Variants in CAMK4 observed in about 807,000 individuals in gnomAD.
The protein encoded by CAMK4 is calcium/calmodulin dependent protein kinase IV.
Under a neutral mutation model 44.9 loss-of-function variants are expected in CAMK4, and 22 were observed. The ratio of observed to expected loss-of-function variants is 0.49; its 90% CI spans 0.35 to 0.70. The LOEUF is 0.70. Ranked by LOEUF, CAMK4 falls within the 30% of genes least tolerant of loss-of-function variation. CAMK4 has a pLI of 0.01. For missense variants in CAMK4, 498 were observed against 586.8 expected, an observed-to-expected ratio of 0.85 and a Z score of 1.56; for synonymous variants, 218 against 215.4, an observed-to-expected ratio of 1.01 and a Z score of -0.11.
intron 1 of CAMK4, among the ~76,000 whole-genome samples, chr5:111,303,968 A>T (rs1478930395): frequency 8.9e-6 from 1 of 112,764 alleles, no homozygotes; most frequent in Non-Finnish European, 1.7e-5. Flanking sequence ...AGAATTTTCA[A>T]CCCAGAATTT....
chr5:111,474,310 A>G, intron 8 of CAMK4, among the ~76,000 whole-genome samples: 1 of 152,228 alleles, frequency 6.6e-6, no homozygotes, highest in East Asian at 1.9e-4. Context: ...ATTTTCTCAC[A>G]GTTTTCGGGG....
At chr5:111,244,528 A>G (rs1266541224) in intron 1 of CAMK4, among the ~76,000 whole-genome samples, 2 of 152,224 alleles carry the variant, frequency 1.3e-5, no homozygotes, top group African/African-American at 2.4e-5. Context: ...TAAATATGCT[A>G]GTGTCCCACT....
intron 1 of CAMK4, among the ~76,000 whole-genome samples, chr5:111,341,451 T>C (rs1749639752): frequency 6.6e-6 from 1 of 151,116 alleles, no homozygotes; most frequent in Admixed American, 6.6e-5. Flanking sequence ...CACTAGGTTT[T>C]AGAAAAACTT....
intron 1 of CAMK4, among the ~76,000 whole-genome samples, chr5:111,273,677 TTATATATATATATATA>T (rs1160351356): frequency 4.4e-4 from 18 of 41,128 alleles, no homozygotes; most frequent in South Asian, 3.0e-3. Flanking sequence ...AAAAATGCAT[TTATATATATATATATA>T]TATATATATA....
At chr5:111,243,300 A>G (rs1749086370) in intron 1 of CAMK4, among the ~76,000 whole-genome samples, 1 of 152,190 alleles carries the variant, frequency 6.6e-6, no homozygotes, top group African/African-American at 2.4e-5. Flanking sequence ...GTTCTTCCTG[A>G]AGATAGCCAG....
At position 111,374,843 on chromosome 5, in the gene CAMK4, CT is replaced by C; in HGVS notation, c.241-3del. The C allele has an allele frequency of 1.3e-6, 2 of 1,598,442 alleles. No homozygotes were observed. Among genetic ancestry groups the C allele is most frequent in the South Asian group, 1.1e-5 (1 of 90,738 alleles). ...TTTCAGTTTATCTCTTTTATTTTGC[CT>C]TTTAGGTGGACAAAAAAATCGTAAG... On this transcript the variant is annotated splice_polypyrimidine_tract_variant and splice_region_variant and intron_variant, in intron 2 of 10. Coordinates refer to ENST00000282356, the MANE Select transcript of CAMK4 (RefSeq NM_001744.6).
chr5:111,273,768 CAT>C (rs1411952230), intron 1 of CAMK4, among the ~76,000 whole-genome samples: 245 of 143,590 alleles, frequency 1.7e-3, no homozygotes, highest in African/African-American at 6.0e-3. Context: ...TACACACACA[CAT>C]ATATACACAC....
At chr5:111,281,829 C>A (rs956166079) in intron 1 of CAMK4, among the ~76,000 whole-genome samples, 1 of 151,962 alleles carries the variant, frequency 6.6e-6, no homozygotes, top group Non-Finnish European at 1.5e-5. Flanking sequence ...GAGGCCGAGG[C>A]GGGCGGATCA....
chr5:111,255,359 G>C (rs1749695287), intron 1 of CAMK4, among the ~76,000 whole-genome samples: 1 of 152,202 alleles, frequency 6.6e-6, no homozygotes. Context: ...CAAACAGAAA[G>C]TGTTTTCAGT....
chr5:111,399,626 G>A (rs575086864), intron 5 of CAMK4, among the ~76,000 whole-genome samples: 69 of 152,182 alleles, frequency 4.5e-4, no homozygotes, highest in Non-Finnish European at 9.0e-4. Flanking sequence ...CCATCATTCT[G>A]TATTTTTTCT....
At chr5:111,412,574 A>T (rs1365899678) in intron 5 of CAMK4, among the ~76,000 whole-genome samples, 2 of 152,230 alleles carry the variant, frequency 1.3e-5, no homozygotes, top group Admixed American at 1.3e-4. Context: ...ATGCATTGTA[A>T]TCCATGAATT....
intron 2 of CAMK4, among the ~76,000 whole-genome samples, chr5:111,357,097 A>C (rs17164073): frequency 0.047 from 7,123 of 152,170 alleles, 576 homozygotes; most frequent in African/African-American, 0.16. Context: ...GCATTGGGCA[A>C]TTGGAACTAA....
At chr5:111,291,028 G>T (rs1747231780) in intron 1 of CAMK4, among the ~76,000 whole-genome samples, 1 of 152,140 alleles carries the variant, frequency 6.6e-6, no homozygotes, top group Non-Finnish European at 1.5e-5. Context: ...GTATACATAA[G>T]ATTGACAATT....
intron 4 of CAMK4, among the ~76,000 whole-genome samples, chr5:111,383,703 GATCCACCC>G (rs1380766960): frequency 2.0e-5 from 3 of 150,518 alleles, no homozygotes; most frequent in African/African-American, 7.4e-5. Context: ...TTGACCTCGT[GATCCACCC>G]ACCTCGGCCT....
At chr5:111,353,003 G>A (rs562689359) in intron 2 of CAMK4, among the ~76,000 whole-genome samples, 3 of 152,008 alleles carry the variant, frequency 2.0e-5, no homozygotes, top group African/African-American at 7.2e-5. Context: ...TTATGAAATT[G>A]TTCCCCATTC....
intron 2 of CAMK4, among the ~76,000 whole-genome samples, chr5:111,357,316 G>A (rs1054220793): frequency 7.9e-5 from 12 of 151,998 alleles, no homozygotes; most frequent in Non-Finnish European, 1.8e-4. Flanking sequence ...AGAAGCTCAG[G>A]GTCAGGAGAT....
chr5:111,366,858 A>T (rs187561167), intron 2 of CAMK4, among the ~76,000 whole-genome samples: 7 of 151,928 alleles, frequency 4.6e-5, no homozygotes, highest in African/African-American at 9.7e-5. Context: ...TAAATTTTAA[A>T]TTTTTTTCTG....
intron 1 of CAMK4, among the ~76,000 whole-genome samples, chr5:111,225,311 T>C (rs13155320): frequency 6.6e-6 from 1 of 152,224 alleles, no homozygotes; most frequent in Non-Finnish European, 1.5e-5. Context: ...ATTTAAATTA[T>C]ATATGCAACA....
At chr5:111,345,505 A>G (rs1749828555) in intron 2 of CAMK4, among the ~76,000 whole-genome samples, 1 of 151,988 alleles carries the variant, frequency 6.6e-6, no homozygotes, top group Admixed American at 6.6e-5. Flanking sequence ...GGCATATTTT[A>G]GCAGTAGTCA....
Sources: allele counts gnomAD v4.1 joint callset (sites outside exome capture counted in the v4.1 genomes callset), GRCh38; gene constraint gnomAD v4.1.1; transcripts MANE v1.5; gene names NCBI Gene and HGNC (gene_info 2026-07-23, HGNC 2026-07-21).